Variants in PXDNL observed in about 807,000 individuals in gnomAD.
PXDNL encodes peroxidasin like.
Under a neutral mutation model 150.8 loss-of-function variants are expected in PXDNL, and 145 were observed. The ratio of observed to expected loss-of-function variants is 0.96; its 90% CI spans 0.84 to 1.10. The LOEUF is 1.10. Among genes scored for constraint, PXDNL ranks in the 50% least tolerant of loss-of-function variants. The pLI, the probability that PXDNL is intolerant of heterozygous loss-of-function variation, is 0.00. For missense variants in PXDNL, 2,087 were observed against 1,873.9 expected (o/e 1.11, Z -2.10); for synonymous variants, 757 against 725.7 (o/e 1.04, Z -0.69).
At chr8:51,392,730 T>A (rs866708404) in intron 17 of PXDNL, among the ~76,000 whole-genome samples, 3 of 152,192 alleles carry the variant, frequency 2.0e-5, no homozygotes, top group Non-Finnish European at 4.4e-5. Flanking sequence ...ATACCCTTTA[T>A]TTCCTTCTCC....
chr8:51,408,561 G>A lies in PXDNL; in HGVS notation c.3063C>T (p.Val1021=), dbSNP rs1317563464. The change falls in exon 17 of 23, where the codon GTC becomes GTT. Residue 1021 remains valine, a synonymous_variant. Coordinates refer to ENST00000356297, the MANE Select transcript of PXDNL (RefSeq NM_144651.5). The stretch of plus-strand genomic sequence containing the variant: ...GCATCCTAGTGCCAGGGTCCCCCAG[G>A]ACCTTAGGCAGCCAGTGGCTGTAGG... ...HITYSHWLPK[V]LGDPGTRMLR... 1.9e-6 allele frequency: 3 copies of A among 1,613,066 alleles called. No homozygotes were observed. Among genetic ancestry groups the A allele is most frequent in the African/African-American group, 1.3e-5 (1 of 75,066 alleles).
chr8:51,354,764 G>C (rs150548411), intron 19 of PXDNL, among the ~76,000 whole-genome samples: 2 of 152,112 alleles, frequency 1.3e-5, no homozygotes, highest in East Asian at 3.9e-4. Context: ...TTTCTTATGT[G>C]ATAGAATAGA....
At chr8:51,599,050 T>A (rs544158727) in intron 2 of PXDNL, among the ~76,000 whole-genome samples, 1 of 152,136 alleles carries the variant, frequency 6.6e-6, no homozygotes, top group South Asian at 2.1e-4. Flanking sequence ...TCTCTGAGGA[T>A]CTTTTGTATA....
chr8:51,770,982 G>A (rs1014001487), intron 1 of PXDNL, among the ~76,000 whole-genome samples: 1 of 152,158 alleles, frequency 6.6e-6, no homozygotes, highest in East Asian at 1.9e-4. Flanking sequence ...ACACATGGAC[G>A]GCAGCAGCAG....
chr8:51,591,317 C>A (rs978466925), intron 3 of PXDNL, among the ~76,000 whole-genome samples: 3 of 152,124 alleles, frequency 2.0e-5, no homozygotes, highest in Non-Finnish European at 4.4e-5. Flanking sequence ...AAAGGTTAGG[C>A]GAGCAGATGG....
intron 17 of PXDNL, among the ~76,000 whole-genome samples, chr8:51,405,147 G>A (rs967538457): frequency 5.9e-5 from 9 of 152,128 alleles, no homozygotes; most frequent in East Asian, 3.9e-4. Context: ...GCGCTGGCCC[G>A]CCCGCGCCTC....
At chr8:51,551,953 A>G (rs545635157) in intron 4 of PXDNL, among the ~76,000 whole-genome samples, 1 of 152,324 alleles carries the variant, frequency 6.6e-6, no homozygotes, top group Admixed American at 6.5e-5. Flanking sequence ...TCCAGAATCT[A>G]TAAGGGAACT....
At position 51,408,820 on chromosome 8, in the gene PXDNL, G is replaced by T. The variant is rs1352179635; in HGVS notation, c.2804C>A (p.Pro935His). Residue 935 changes from proline to histidine, a missense_variant, in exon 17 of 23, where the codon CCC becomes CAC. Physicochemically the swap from Pro to His is moderately conservative, Grantham distance 77. Transcript: ENST00000356297. ...CTCGGTGGGTGGGCCTGTAGAAAAG[G>T]GCAATAAGGGCTTTCCGGAGGGAGG... ...PWPPSGKPLL[P>H]FSTGPPTECA... 3 of 1,569,478 alleles carry T rather than the reference G, an allele frequency of 1.9e-6. No individual in the cohort carries two copies. Among genetic ancestry groups the T allele is most frequent in the Non-Finnish European group, 2.6e-6 (3 of 1,158,960 alleles).
At chr8:51,547,942 G>A (rs767428004) in intron 4 of PXDNL, among the ~76,000 whole-genome samples, 1 of 151,960 alleles carries the variant, frequency 6.6e-6, no homozygotes, top group Non-Finnish European at 1.5e-5. Context: ...TAAAAATACA[G>A]AATATGAATG....
chr8:51,782,241 T>C (rs2129250026), intron 1 of PXDNL, among the ~76,000 whole-genome samples: 1 of 152,264 alleles, frequency 6.6e-6, no homozygotes, highest in South Asian at 2.1e-4. Flanking sequence ...CAGAGATGCC[T>C]TGGGCTTCCC....
At chr8:51,764,283 A>AT (rs1276840540) in intron 1 of PXDNL, among the ~76,000 whole-genome samples, 2 of 146,004 alleles carry the variant, frequency 1.4e-5, no homozygotes, top group African/African-American at 5.0e-5. Context: ...GATTTTGTCT[A>AT]TTTTTCTCTA....
chr8:51,465,533 T>C (rs2130053640), intron 8 of PXDNL, among the ~76,000 whole-genome samples: 1 of 152,262 alleles, frequency 6.6e-6, no homozygotes, highest in Middle Eastern at 3.4e-3. Flanking sequence ...CTATTCAACA[T>C]AGTACTGGAA....
chr8:51,603,543 A>G (rs1459272085), intron 2 of PXDNL, among the ~76,000 whole-genome samples: 1 of 151,768 alleles, frequency 6.6e-6, no homozygotes, highest in Non-Finnish European at 1.5e-5. Flanking sequence ...TAGGATATTG[A>G]TTTTTTCTTA....
chr8:51,453,290 CTTT>C (rs1586118977), intron 10 of PXDNL, among the ~76,000 whole-genome samples: 1 of 152,278 alleles, frequency 6.6e-6, no homozygotes, highest in East Asian at 1.9e-4. Flanking sequence ...GACTCCATCT[CTTT>C]TGTTGCTAAT....
At chr8:51,700,987 A>C (rs1337700423) in intron 1 of PXDNL, among the ~76,000 whole-genome samples, 4 of 152,076 alleles carry the variant, frequency 2.6e-5, no homozygotes, top group African/African-American at 9.7e-5. Context: ...ATATACACAC[A>C]TATACATACA....
intron 1 of PXDNL, among the ~76,000 whole-genome samples, chr8:51,735,538 T>TGTTTG (rs1563304287): frequency 6.4e-5 from 7 of 109,862 alleles, no homozygotes; most frequent in Admixed American, 2.5e-4. Context: ...TTTTTTTTTT[T>TGTTTG]TTTTTTTTTT....
At chr8:51,393,617 AAT>A (rs1449645659) in intron 17 of PXDNL, among the ~76,000 whole-genome samples, 2 of 152,256 alleles carry the variant, frequency 1.3e-5, no homozygotes, top group Non-Finnish European at 2.9e-5. Context: ...GGAACCTGTG[AAT>A]ATGTCACCTT....
intron 1 of PXDNL, among the ~76,000 whole-genome samples, chr8:51,715,267 GATC>G (rs1318122689): frequency 6.6e-6 from 1 of 152,140 alleles, no homozygotes; most frequent in East Asian, 1.9e-4. Flanking sequence ...CAACATCACT[GATC>G]ATCAGGGAAA....
At chr8:51,758,604 T>C (rs1341036694) in intron 1 of PXDNL, among the ~76,000 whole-genome samples, 2 of 152,182 alleles carry the variant, frequency 1.3e-5, no homozygotes, top group Admixed American at 6.5e-5. Flanking sequence ...GCTGTTCTTG[T>C]GATAGTGAGT....
Sources: allele counts gnomAD v4.1 joint callset (sites outside exome capture counted in the v4.1 genomes callset), GRCh38; gene constraint gnomAD v4.1.1; transcripts MANE v1.5; gene names NCBI Gene and HGNC (gene_info 2026-07-23, HGNC 2026-07-21).